The following DOCK10 variants were observed in gnomAD, a reference collection of about 807,000 sequenced individuals.
The protein encoded by DOCK10 is dedicator of cytokinesis protein 10.
DOCK10 carries 145 observed loss-of-function variants against 280.1 expected under a neutral mutation model. That is an observed-to-expected ratio of 0.52 (90% CI 0.45 to 0.59). The LOEUF (loss-of-function observed/expected upper bound fraction) is 0.59. DOCK10 is among the 20% of genes least tolerant of loss of function. The pLI is 0.00. For missense variants in DOCK10, 2,368 were observed against 2,651.7 expected, an observed-to-expected ratio of 0.89 and a Z score of 2.35; for synonymous variants, 915 against 942.2, an observed-to-expected ratio of 0.97 and a Z score of 0.53.
chr2:224,905,778 G>GTTCCCCGCTT (rs1293920730), intron 3 of DOCK10, among the ~76,000 whole-genome samples: 2 of 152,066 alleles, frequency 1.3e-5, no homozygotes, highest in Non-Finnish European at 2.9e-5. Context: ...GTATCTCCTT[G>GTTCCCCGCTT]TTCCCCGCTT....
At chr2:224,795,235 G>A (rs1052459054) in intron 44 of DOCK10, 141 bp from the exon 45 acceptor site, 3 of 680,366 alleles carry the variant, frequency 4.4e-6, no homozygotes, top group Non-Finnish European at 7.4e-6. Flanking sequence ...TTCTATATAT[G>A]TGCATTCTAT....
intron 24 of DOCK10, among the ~76,000 whole-genome samples, chr2:224,838,729 T>G (rs1695750602): frequency 6.6e-6 from 1 of 152,214 alleles, no homozygotes; most frequent in South Asian, 2.1e-4. Flanking sequence ...TTTTCCAGAA[T>G]GCTATGACTA....
intron 27 of DOCK10, 74 bp from the exon 28 acceptor site, chr2:224,823,721 AT>A: frequency 7.3e-7 from 1 of 1,365,026 alleles, no homozygotes; most frequent in South Asian, 1.5e-5. Flanking sequence ...CAACTGAAAT[AT>A]TTACTTTATT....
intron 55 of DOCK10, among the ~76,000 whole-genome samples, chr2:224,766,611 T>C (rs1375185916): frequency 6.6e-6 from 1 of 152,238 alleles, no homozygotes; most frequent in African/African-American, 2.4e-5. Context: ...GCAGTATACC[T>C]ATGCTTGGTA....
rs58223345 is a variant in DOCK10 at position 224,917,101 on chromosome 2, C to CTTTTTTTTTTTTTTTTTTTTTTT, written c.244-318_244-317insAAAAAAAAAAAAAAAAAAAAAAA. ...CAATTTAGCTGATTTCTATTGGAAT[C>CTTTTTTTTTTTTTTTTTTTTTTT]TTTTTTTTTTTTTTTTTTTTTTGAG... is the stretch of plus-strand genomic sequence containing the variant. On this transcript the variant is annotated intron_variant, in intron 2 of 55. Transcript: ENST00000258390. 5.2e-5 allele frequency among the ~76,000 whole-genome samples: 5 copies of CTTTTTTTTTTTTTTTTTTTTTTT among 95,780 alleles called. 1 individual carries two copies. The highest frequency in any genetic ancestry group is 1.8e-4 in the African/African-American group (4 of 22,076). 62.8% of individuals were successfully genotyped at this position (95,780 alleles called of 152,430 possible).
intron 1 of DOCK10, among the ~76,000 whole-genome samples, chr2:224,997,487 C>T (rs1706307818): frequency 6.6e-6 from 1 of 152,142 alleles, no homozygotes; most frequent in Non-Finnish European, 1.5e-5. Context: ...CCACCTCAGC[C>T]TCTCAAAGTG....
At chr2:225,004,273 A>G (rs1418357308) in intron 1 of DOCK10, among the ~76,000 whole-genome samples, 1 of 152,246 alleles carries the variant, frequency 6.6e-6, no homozygotes, top group African/African-American at 2.4e-5. Context: ...GAAAAGACAC[A>G]GAGAGAAAAG....
chr2:225,023,294 C>T (rs1689831249), intron 1 of DOCK10, among the ~76,000 whole-genome samples: 1 of 152,104 alleles, frequency 6.6e-6, no homozygotes, highest in Admixed American at 6.5e-5. Flanking sequence ...TCTTGGCCTC[C>T]CAAATTGCTG....
intron 26 of DOCK10, among the ~76,000 whole-genome samples, chr2:224,831,811 T>C (rs1203661313): frequency 1.3e-5 from 2 of 152,162 alleles, no homozygotes; most frequent in African/African-American, 4.8e-5. Context: ...AGACCTGTCC[T>C]CTGGAGGTCC....
chr2:225,029,458 C>G (rs181387787), intron 1 of DOCK10, among the ~76,000 whole-genome samples: 396 of 152,316 alleles, frequency 2.6e-3, no homozygotes, highest in African/African-American at 8.9e-3. Flanking sequence ...AGGCATGAGC[C>G]ACCATGCCCG....
chr2:224,906,773 C>G (rs1458815437), intron 3 of DOCK10, among the ~76,000 whole-genome samples: 3 of 152,188 alleles, frequency 2.0e-5, no homozygotes, highest in Non-Finnish European at 4.4e-5. Flanking sequence ...GTCACCGCAC[C>G]CGGCCTTGTT....
In DOCK10 at chr2:224,814,169, G is replaced by A. The variant is rs368489648; in HGVS notation, c.3409+151C>T. On this transcript the variant is annotated intron_variant, in intron 31 of 55. Coordinates refer to ENST00000258390, the MANE Select transcript of DOCK10 (RefSeq NM_014689.3). ...GCAATCATTAAACTATCTGTGACAA[G>A]CAAACAATTCAGTCAACTTTTTGAA... 4.3e-4 allele frequency: 183 copies of A among 429,236 alleles called. 1 individual carries two copies. The South Asian group carries it at 4.8e-3, about 11-fold the overall frequency. The allele number at this position is 429,236 out of a possible 1,614,324, so 26.6% of individuals were successfully genotyped here.
Position 225,042,221 on chromosome 2 carries a change from C to A in DOCK10, c.123+31G>T. On this transcript the variant is annotated intron_variant, in intron 1 of 55. Coordinates refer to ENST00000258390, the MANE Select transcript of DOCK10 (RefSeq NM_014689.3). This position sits in a 1 kb window ranked among gnomAD's most constrained non-coding sequence, Gnocchi z 5.1. ...GTTCCCCCCGGGCGCCTGGGGCGCGCGGGAAGGCGCGGAGGACGCGCCGCA... is the reference window on the plus strand; with the variant it reads ...GTTCCCCCCGGGCGCCTGGGGCGCGAGGGAAGGCGCGGAGGACGCGCCGCA... 3.2e-6 allele frequency: 4 copies of A among 1,239,220 alleles called. No homozygotes were observed. In the East Asian group the frequency reaches 9.8e-5, roughly 30 times the overall value. 76.8% of individuals were successfully genotyped at this position (1,239,220 alleles called of 1,614,324 possible).
intron 1 of DOCK10, among the ~76,000 whole-genome samples, chr2:225,006,988 G>T (rs960713185): frequency 6.6e-6 from 1 of 152,210 alleles, no homozygotes; most frequent in African/African-American, 2.4e-5. Context: ...AGGCTAGAAG[G>T]TTTGAGAATG....
chr2:225,024,309 G>T (rs183768656), intron 1 of DOCK10, among the ~76,000 whole-genome samples: 1 of 151,970 alleles, frequency 6.6e-6, no homozygotes, highest in Non-Finnish European at 1.5e-5. Context: ...TCTTGATCTT[G>T]GTCATTATAT....
chr2:224,810,503 C>T (rs1215103195), intron 31 of DOCK10, among the ~76,000 whole-genome samples: 1 of 151,194 alleles, frequency 6.6e-6, no homozygotes, highest in African/African-American at 2.4e-5. Context: ...TATTATTATA[C>T]TTTAAGTTTT....
intron 1 of DOCK10, among the ~76,000 whole-genome samples, chr2:224,958,895 A>C (rs1400593793): frequency 6.6e-6 from 1 of 152,212 alleles, no homozygotes; most frequent in Non-Finnish European, 1.5e-5. Flanking sequence ...TCCTTTGAAT[A>C]AATTTCCAAG....
chr2:224,939,516 C>T (rs866438490), intron 1 of DOCK10, among the ~76,000 whole-genome samples: 1 of 152,142 alleles, frequency 6.6e-6, no homozygotes, highest in African/African-American at 2.4e-5. Context: ...AGATCTAAAT[C>T]AAACTAAATT....
intron 3 of DOCK10, among the ~76,000 whole-genome samples, chr2:224,903,131 A>C (rs991917645): frequency 6.6e-6 from 1 of 152,182 alleles, no homozygotes; most frequent in Non-Finnish European, 1.5e-5. Flanking sequence ...AACAAACAAA[A>C]AAACTTATAC....
Sources: allele counts gnomAD v4.1 joint callset (sites outside exome capture counted in the v4.1 genomes callset), GRCh38; gene constraint gnomAD v4.1.1; non-coding constraint Gnocchi (gnomAD v3.1); transcripts MANE v1.5; gene names NCBI Gene and HGNC (gene_info 2026-07-23, HGNC 2026-07-21).